The following IDNK variants were observed in gnomAD, a reference collection of about 807,000 sequenced individuals.
IDNK encodes the protein IDNK gluconokinase.
IDNK carries 9 observed loss-of-function variants against 13.0 expected under a neutral mutation model. The observed-to-expected ratio is 0.69, with a 90% CI of 0.42 to 1.21. The LOEUF is 1.21. Ranked by LOEUF, IDNK falls within the 50% of genes most tolerant of loss-of-function variation. The probability of loss-of-function intolerance (pLI) is 0.00; values close to 1 mark genes in which losing one functional copy is unlikely to be tolerated. For synonymous variants in IDNK, 92 were observed against 94.9 expected, an observed-to-expected ratio of 0.97 and a Z score of 0.18; for missense variants, 210 against 237.8, an observed-to-expected ratio of 0.88 and a Z score of 0.77.
chr9:83,632,457 A>G (rs1208652587), intron 3 of IDNK, among the ~76,000 whole-genome samples: 2 of 150,116 alleles, frequency 1.3e-5, no homozygotes, highest in African/African-American at 4.9e-5. Flanking sequence ...GACTATCTAG[A>G]GCAGGGGTGT....
chr9:83,625,621 A>G (rs568966945), intron 1 of IDNK, among the ~76,000 whole-genome samples: 7 of 152,262 alleles, frequency 4.6e-5, no homozygotes, highest in Non-Finnish European at 1.0e-4. Context: ...ATGTAGCAAC[A>G]TCAAGTTCTT....
intron 1 of IDNK, 96 bp downstream of exon 1, chr9:83,623,317 TG>T (rs1830753834): frequency 9.0e-7 from 1 of 1,111,066 alleles, no homozygotes; most frequent in South Asian, 1.8e-5. Context: ...ACTGGGGTCT[TG>T]GGGACCCCCC....
intron 3 of IDNK, among the ~76,000 whole-genome samples, chr9:83,639,212 AATTT>A (rs1831238307): frequency 6.6e-6 from 1 of 152,220 alleles, no homozygotes; most frequent in Non-Finnish European, 1.5e-5. Context: ...TCATATAAAT[AATTT>A]ATGTTAAAAG....
In IDNK at chr9:83,643,441, G is replaced by A. The variant is rs151255225; in HGVS notation, c.225G>A (p.Ser75=). 7.1e-5 allele frequency: 113 copies of A among 1,601,024 alleles called. No homozygotes were observed. The Middle Eastern group carries it at 1.2e-3, about 17-fold the overall frequency. The change falls in exon 5 of 5, where the codon TCG becomes TCA. Residue 75 remains serine, a synonymous_variant. Transcript: ENST00000376419. ...TTTTTCTAAACAGAGATGTAGCCTC[G>A]GGACAGCGTGTGGTTCTAGCCTGTT... The part of the protein sequence containing the change: ...LHDILLRDVA[S]GQRVVLACSA...
rs1044250971 is a variant in IDNK, at chr9:83,635,850, C to T, written c.169-5698C>T. 5.0e-4 allele frequency among the ~76,000 whole-genome samples: 76 copies of T among 152,158 alleles called. 3 individuals are homozygous for T. Among genetic ancestry groups the T allele is most frequent in the Non-Finnish European group, 1.5e-5 (1 of 68,042 alleles). ...TGCCTCCATTTTCATGTAAAACATA[C>T]TCTGGGGTTAGAAATCAGTCCCCTA... On this transcript the variant is annotated intron_variant, in intron 3 of 4. Coordinates refer to ENST00000376419, the MANE Select transcript of IDNK (RefSeq NM_001001551.4).
intron 3 of IDNK, among the ~76,000 whole-genome samples, chr9:83,636,992 C>G (rs1439502406): frequency 6.6e-6 from 1 of 152,214 alleles, no homozygotes; most frequent in East Asian, 1.9e-4. Context: ...CATACACCTC[C>G]CAGACAAGTG....
chr9:83,642,164 C>T lies in IDNK; in HGVS notation c.212+573C>T, dbSNP rs1240406943. On this transcript the variant is annotated intron_variant, in intron 4 of 4. Coordinates refer to ENST00000376419, the MANE Select transcript of IDNK (RefSeq NM_001001551.4). ...CCCCTGAGCGAACAGGGTCCCCCCC[C>T]AACAGCACCCATGACCCCAGTGGAA... 2.6e-5 allele frequency among the ~76,000 whole-genome samples: 4 copies of T among 151,606 alleles called. No homozygotes were observed. In the South Asian group the frequency reaches 6.3e-4, roughly 24 times the overall value.
chr9:83,624,904 G>A (rs185264984), intron 1 of IDNK, among the ~76,000 whole-genome samples: 166 of 152,106 alleles, frequency 1.1e-3, no homozygotes, highest in Non-Finnish European at 2.0e-3. Context: ...TAGTAGAGAC[G>A]GGGTTTCATC....
intron 3 of IDNK, among the ~76,000 whole-genome samples, chr9:83,633,172 T>C (rs941239653): frequency 3.3e-5 from 5 of 152,090 alleles, no homozygotes; most frequent in Admixed American, 2.0e-4. Flanking sequence ...ATCCCGTCTC[T>C]ACTAAAAATA....
At chr9:83,631,396 C>G (rs10780619) in intron 3 of IDNK, among the ~76,000 whole-genome samples, 38,374 of 142,268 alleles carry the variant, frequency 0.27, 6,188 homozygotes, top group East Asian at 0.8. Flanking sequence ...GGCTGAAGAC[C>G]AGGAGCTTGA....
chr9:83,627,416 G>A (rs570525032), intron 1 of IDNK, among the ~76,000 whole-genome samples: 1 of 152,264 alleles, frequency 6.6e-6, no homozygotes, highest in East Asian at 1.9e-4. Flanking sequence ...ATGAAATGTA[G>A]GTGGATGGAT....
rs1302427452 is a variant in IDNK at position 83,643,699 on chromosome 9, AG to A, written c.484del (p.Glu162LysfsTer6). On this transcript the variant is annotated frameshift_variant, in exon 5 of 5. Coordinates refer to ENST00000376419, the MANE Select transcript of IDNK (RefSeq NM_001001551.4). LOFTEE classifies it low-confidence loss of function (END_TRUNC). ...AGACTCTGGAGCCCCCAGCAGCTCC[AG>A]AAAACTTTATCCAAATAAGTGTGGA... ...FETLEPPAAP[E>X]NFIQISVDKN... is the part of the protein sequence containing the mutation. 8.1e-6 allele frequency: 13 copies of A among 1,613,946 alleles called. No individual in the cohort carries two copies. Among genetic ancestry groups the A allele is most frequent in the Non-Finnish European group, 1.1e-5 (13 of 1,180,012 alleles).
chr9:83,623,150 G>C lies in IDNK; in HGVS notation c.-22G>C, dbSNP rs918082066. On this transcript the variant is annotated 5_prime_UTR_variant, in exon 1 of 5. Transcript: ENST00000376419. ...GGGCCGGCGGGGCCCGGAAGGCGAC[G>C]GGAAGGAGCCGAGCTTGGGTTATGG... 1.4e-6 allele frequency: 2 copies of C among 1,414,228 alleles called. No homozygotes were observed. The highest frequency in any genetic ancestry group is 1.8e-6 in the Non-Finnish European group (2 of 1,089,428). The allele number at this position is 1,414,228 out of a possible 1,614,324, so 87.6% of individuals were successfully genotyped here. A position where few individuals can be genotyped will look rare whatever the true frequency, so the allele number is the denominator to read the frequency against.
chr9:83,634,267 T>C (rs1831105971), intron 3 of IDNK, among the ~76,000 whole-genome samples: 2 of 152,238 alleles, frequency 1.3e-5, no homozygotes, highest in Admixed American at 1.3e-4. Flanking sequence ...TGGTGCATGG[T>C]CATTAATCTG....
chr9:83,625,194 A>C (rs934112836), intron 1 of IDNK, among the ~76,000 whole-genome samples: 1 of 152,216 alleles, frequency 6.6e-6, no homozygotes, highest in Non-Finnish European at 1.5e-5. Flanking sequence ...TAAGAAGACA[A>C]GAGAGAAGTC....
At chr9:83,633,244 C>A (rs1011820885) in intron 3 of IDNK, among the ~76,000 whole-genome samples, 1 of 152,120 alleles carries the variant, frequency 6.6e-6, no homozygotes, top group African/African-American at 2.4e-5. Flanking sequence ...GAGGCTGAGG[C>A]GGGAGAATGG....
chr9:83,634,033 T>TA (rs1411215115), intron 3 of IDNK, among the ~76,000 whole-genome samples: 1 of 152,220 alleles, frequency 6.6e-6, no homozygotes, highest in African/African-American at 2.4e-5. Flanking sequence ...ACTGACATGG[T>TA]AGCCTGGCTT....
intron 3 of IDNK, among the ~76,000 whole-genome samples, chr9:83,640,323 T>C (rs904321719): frequency 6.6e-6 from 1 of 152,210 alleles, no homozygotes; most frequent in Non-Finnish European, 1.5e-5. Flanking sequence ...AAAGCCCTGA[T>C]ACCGACATTT....
intron 1 of IDNK, 133 bp from the exon 2 acceptor site, chr9:83,628,048 C>A: frequency 6.7e-7 from 1 of 1,493,696 alleles, no homozygotes; most frequent in Non-Finnish European, 8.9e-7. Flanking sequence ...GGCATCACTG[C>A]TTTAGGATTA....
Sources: gnomAD v4.1 joint callset for allele counts (sites outside exome capture counted in the v4.1 genomes callset) on GRCh38, gnomAD v4.1.1 for gene constraint, MANE v1.5 for transcripts, NCBI Gene and HGNC (gene_info 2026-07-23, HGNC 2026-07-21) for gene names.